FRMD6: variants seen among roughly 807,000 people sequenced by gnomAD.
FRMD6 encodes FERM domain-containing protein 6.
In FRMD6, 37 loss-of-function variants were observed where a neutral mutation model predicts 73.2. That is an observed-to-expected ratio of 0.51 (90% CI 0.39 to 0.66). The LOEUF is 0.66. FRMD6 is among the 30% of genes least tolerant of loss of function. FRMD6 has a pLI of 0.00. For synonymous variants in FRMD6, 273 were observed against 282.2 expected (o/e 0.97, Z 0.33); for missense variants, 714 against 780.5 (o/e 0.91, Z 1.02).
At chr14:51,644,070 A>C (rs1412030293) in intron 2 of FRMD6, among the ~76,000 whole-genome samples, 1 of 152,170 alleles carries the variant, frequency 6.6e-6, no homozygotes, top group African/African-American at 2.4e-5. Flanking sequence ...AATTTGAATT[A>C]GATCCACTGA....
chr14:51,467,686 G>A, the FRMD6 span, among the ~76,000 whole-genome samples: 2 of 151,730 alleles, frequency 1.3e-5, no homozygotes, highest in Admixed American at 1.3e-4. Flanking sequence ...TCAGTTCCCA[G>A]ATGGGGTCGC....
rs149794734 is a variant in FRMD6 at position 51,701,108 on chromosome 14, A to G, written c.243A>G (p.Pro81=). ...ELSQKLYKYC[P]KEWKKEASKV... ...CACAAAAGCTTTACAAATATTGTCCAAAAGAATGGAAGAAAGAGGCCAGCA... is the reference window on the plus strand; with the variant it reads ...CACAAAAGCTTTACAAATATTGTCCGAAAGAATGGAAGAAAGAGGCCAGCA... The change falls in exon 4 of 14, where the codon CCA becomes CCG. Residue 81 remains proline, a synonymous_variant. Coordinates refer to ENST00000344768, the MANE Select transcript of FRMD6 (RefSeq NM_001267046.2). The G allele has an allele frequency of 3.0e-5, 48 of 1,580,490 alleles. No homozygotes were observed. The African/African-American group carries it at 3.7e-4, about 12-fold the overall frequency.
chr14:51,499,324 T>C lies in FRMD6; in HGVS notation c.-210+9904T>C, dbSNP rs182346685. 4.5e-3 allele frequency among the ~76,000 whole-genome samples: 686 copies of C among 152,304 alleles called. 7 individuals carry two copies. Among genetic ancestry groups the C allele is most frequent in the African/African-American group, 0.016 (658 of 41,550 alleles). ...ACAAGAGAAAGCAGAGAAAGAGTAA[T>C]TGAGGTATGAATGGCCCAATTTTCT... On this transcript the variant is annotated intron_variant, in intron 1 of 14. Coordinates refer to the FRMD6 transcript ENST00000356218.
chr14:51,503,960 G>A (rs947662545), intron 1 of FRMD6, among the ~76,000 whole-genome samples: 4 of 152,040 alleles, frequency 2.6e-5, no homozygotes, highest in African/African-American at 9.7e-5. Flanking sequence ...TCAATCTTGG[G>A]AGGGTGTATG....
chr14:51,705,170 T>C (rs1896551598), intron 6 of FRMD6, among the ~76,000 whole-genome samples: 1 of 152,096 alleles, frequency 6.6e-6, no homozygotes, highest in Non-Finnish European at 1.5e-5. Flanking sequence ...ACAGTGGAGC[T>C]TGGAATTTAC....
At chr14:51,478,806 G>A in the FRMD6 span, among the ~76,000 whole-genome samples, 2 of 152,172 alleles carry the variant, frequency 1.3e-5, 1 homozygote, top group Non-Finnish European at 2.9e-5. Flanking sequence ...AACAGATCGG[G>A]ATGCTATCTT....
the FRMD6 span, among the ~76,000 whole-genome samples, chr14:51,441,996 C>G: frequency 6.6e-6 from 1 of 152,130 alleles, no homozygotes; most frequent in East Asian, 1.9e-4. Flanking sequence ...TCTTGACAAG[C>G]CTTACAGGCT....
the FRMD6 span, among the ~76,000 whole-genome samples, chr14:51,470,021 T>G: frequency 6.6e-6 from 1 of 152,134 alleles, no homozygotes; most frequent in Non-Finnish European, 1.5e-5. Context: ...TGGGATCAAT[T>G]AAGTTGTATT....
chr14:51,634,425 C>A (rs73290944), intron 2 of FRMD6, among the ~76,000 whole-genome samples: 1 of 152,116 alleles, frequency 6.6e-6, no homozygotes, highest in African/African-American at 2.4e-5. Flanking sequence ...ATCCTCTCTC[C>A]GAATTATCTC....
chr14:51,672,790 A>C (rs948435092), intron 1 of FRMD6, among the ~76,000 whole-genome samples: 1 of 152,164 alleles, frequency 6.6e-6, no homozygotes, highest in African/African-American at 2.4e-5. Flanking sequence ...CGAATTTATT[A>C]ATGTAAAATT....
chr14:51,641,231 T>C lies in FRMD6; in HGVS notation c.-146-48460T>C, dbSNP rs1357279427. ...CCTGTCCTCAAGTGATCCATTCGCC[T>C]TAGCCTCCCAAAGTGCTGGGATTAC... On this transcript the variant is annotated intron_variant, in intron 2 of 14. Coordinates refer to the FRMD6 transcript ENST00000356218. Among the ~76,000 whole-genome samples the C allele has an allele frequency of 3.3e-5, 5 of 152,358 alleles. No individual in the cohort carries two copies. The East Asian group carries it at 9.6e-4, about 29-fold the overall frequency.
chr14:51,602,247 T>C (rs1041011968), intron 2 of FRMD6, among the ~76,000 whole-genome samples: 8 of 152,112 alleles, frequency 5.3e-5, no homozygotes, highest in Non-Finnish European at 8.8e-5. Context: ...GAAAGGACTT[T>C]GGGGTAATCA....
chr14:51,711,575 G>T lies in FRMD6; in HGVS notation c.759G>T (p.Met253Ile), dbSNP rs1896945920. 1 of 1,607,374 alleles carries T rather than the reference G, an allele frequency of 6.2e-7. No individual in the cohort carries two copies. The highest frequency in any genetic ancestry group is 8.5e-7 in the Non-Finnish European group (1 of 1,174,756). Reference protein sequence around the residue: ...IEASLTLGLTMRGIQIFQNLD... With the variant: ...IEASLTLGLTIRGIQIFQNLD... ...CATCGCTGACTCTTGGATTGACCATGAGGGGAATACAGATTTTTCAGGTTG... is the reference window on the plus strand; with the variant it reads ...CATCGCTGACTCTTGGATTGACCATTAGGGGAATACAGATTTTTCAGGTTG... The change falls in exon 8 of 14, where the codon ATG (methionine) becomes ATT (isoleucine). Residue 253 changes from methionine to isoleucine, a missense_variant. By Grantham distance (10) the Met-to-Ile change is conservative. Coordinates refer to ENST00000344768, the MANE Select transcript of FRMD6 (RefSeq NM_001267046.2).
chr14:51,440,257 G>T, the FRMD6 span, among the ~76,000 whole-genome samples: 2 of 152,094 alleles, frequency 1.3e-5, no homozygotes, highest in Non-Finnish European at 2.9e-5. Flanking sequence ...GAATATACTC[G>T]TTAAAAATAC....
chr14:51,675,020 A>G (rs922282316), intron 1 of FRMD6, among the ~76,000 whole-genome samples: 5 of 152,156 alleles, frequency 3.3e-5, no homozygotes, highest in Non-Finnish European at 1.5e-5. Context: ...TCAAAACTCT[A>G]GTTGAGAAGA....
the FRMD6 span, among the ~76,000 whole-genome samples, chr14:51,410,514 AT>A: frequency 1.5e-4 from 23 of 152,348 alleles, no homozygotes; most frequent in African/African-American, 5.5e-4. Flanking sequence ...TTTGAAATGG[AT>A]TTACTAAGTC....
chr14:51,543,631 G>A (rs549360085), intron 1 of FRMD6, among the ~76,000 whole-genome samples: 2 of 151,946 alleles, frequency 1.3e-5, no homozygotes, highest in Non-Finnish European at 2.9e-5. Flanking sequence ...TCACCATCTT[G>A]CAGGACACAA....
At chr14:51,634,358 A>G (rs531960599) in intron 2 of FRMD6, among the ~76,000 whole-genome samples, 2 of 152,374 alleles carry the variant, frequency 1.3e-5, no homozygotes, top group East Asian at 3.9e-4. Flanking sequence ...TGTACCTAGC[A>G]CAGTGTCTAA....
At chr14:51,601,252 C>G (rs1269642263) in intron 2 of FRMD6, among the ~76,000 whole-genome samples, 1 of 152,194 alleles carries the variant, frequency 6.6e-6, no homozygotes, top group Non-Finnish European at 1.5e-5. Flanking sequence ...TGGCTGGCAG[C>G]CCCTGGGTCA....
Sources: allele counts gnomAD v4.1 joint callset (sites outside exome capture counted in the v4.1 genomes callset), GRCh38; gene constraint gnomAD v4.1.1; transcripts MANE v1.5; gene names NCBI Gene and HGNC (gene_info 2026-07-23, HGNC 2026-07-21).